The following KIAA0513 variants were observed in gnomAD, a reference collection of about 807,000 sequenced individuals.
The protein encoded by KIAA0513 is uncharacterized protein KIAA0513.
A neutral mutation model predicts 56.5 loss-of-function variants in KIAA0513; 39 were observed. That is an observed-to-expected ratio of 0.69 (90% CI 0.53 to 0.90). KIAA0513 has a LOEUF of 0.90. Ranked by LOEUF, KIAA0513 falls within the 40% of genes least tolerant of loss-of-function variation. KIAA0513 has a pLI of 0.00. For missense variants in KIAA0513, 591 were observed against 535.2 expected (o/e 1.10, Z -1.03); for synonymous variants, 268 against 215.6 (o/e 1.24, Z -2.13).
At chr16:85,044,928 C>G (rs1225201802) in intron 1 of KIAA0513, among the ~76,000 whole-genome samples, 2 of 151,938 alleles carry the variant, frequency 1.3e-5, no homozygotes, top group African/African-American at 2.4e-5. Context: ...ACCATCCTGG[C>G]TAACACAGTG....
chr16:85,045,554 C>T (rs1185563367), intron 1 of KIAA0513, among the ~76,000 whole-genome samples: 1 of 152,182 alleles, frequency 6.6e-6, no homozygotes, highest in Non-Finnish European at 1.5e-5. Flanking sequence ...TGGGGTTTCA[C>T]TATGTTGGCC....
At chr16:85,029,128 T>G (rs943595263) in intron 1 of KIAA0513, among the ~76,000 whole-genome samples, 2 of 152,232 alleles carry the variant, frequency 1.3e-5, no homozygotes, top group Admixed American at 1.3e-4. Context: ...TTATTTCCAC[T>G]TTGTTCAGAA....
chr16:85,077,808 C>G (rs574153231), intron 6 of KIAA0513, among the ~76,000 whole-genome samples, 176 bp downstream of exon 6: 1 of 152,158 alleles, frequency 6.6e-6, no homozygotes, highest in East Asian at 1.9e-4. Flanking sequence ...CCAAGCCCCC[C>G]CCACTGACAT....
chr16:85,067,019 C>A lies in KIAA0513; in HGVS notation c.-53C>A. On this transcript the variant is annotated 5_prime_UTR_variant, in exon 2 of 13. Coordinates refer to ENST00000683363, the MANE Select transcript of KIAA0513 (RefSeq NM_001388359.1). ...ACCTGGGACACCAGGCTGCTGGGCT[C>A]CCCTCTAGGCAGCCTCCCCTCCAGG... The A allele has an allele frequency of 6.8e-7, 1 of 1,461,504 alleles. No individual in the cohort carries two copies. The highest frequency in any genetic ancestry group is 2.3e-5 in the Admixed American group (1 of 43,886). The allele number at this position is 1,461,504 out of a possible 1,614,324, so 90.5% of individuals were successfully genotyped here.
chr16:85,068,250 G>A (rs973198255), intron 2 of KIAA0513, among the ~76,000 whole-genome samples: 1 of 151,498 alleles, frequency 6.6e-6, no homozygotes, highest in African/African-American at 2.4e-5. Flanking sequence ...TCCACCTCCT[G>A]AGTTCAAACA....
chr16:85,077,263 C>T (rs1416956250), intron 5 of KIAA0513, 162 bp from the exon 6 acceptor site: 1 of 203,470 alleles, frequency 4.9e-6, no homozygotes, highest in Non-Finnish European at 8.7e-6. Context: ...CTTCCTCATC[C>T]TGGGCCGGCT....
intron 1 of KIAA0513, 53 bp from the exon 2 acceptor site, chr16:85,066,847 C>T (rs1488102790): frequency 2.0e-5 from 9 of 452,962 alleles, no homozygotes; most frequent in Middle Eastern, 5.5e-4. Flanking sequence ...TGATCTAGGT[C>T]GGGATTCTGG....
chr16:85,081,678 C>A lies in KIAA0513; in HGVS notation c.980+286C>A, dbSNP rs1406777302. On this transcript the variant is annotated intron_variant, in intron 9 of 12. Coordinates refer to ENST00000683363, the MANE Select transcript of KIAA0513 (RefSeq NM_001388359.1). The surrounding 1 kb of genome is among the most constrained non-coding windows in gnomAD (Gnocchi z 4.4). The stretch of plus-strand genomic sequence containing the variant: ...ACTAAGACCATCAGGACCCCTGCTG[C>A]TGGGCCCACCCTGCTGTTTGCTGGA... Among the ~76,000 whole-genome samples the A allele has an allele frequency of 6.6e-6, 1 of 152,224 alleles. No homozygotes were observed. Among genetic ancestry groups the A allele is most frequent in the East Asian group, 1.9e-4 (1 of 5,194 alleles).
intron 7 of KIAA0513, 117 bp from the exon 8 acceptor site, chr16:85,078,808 T>G: frequency 9.0e-7 from 1 of 1,113,302 alleles, no homozygotes; most frequent in Non-Finnish European, 1.4e-6. Context: ...GGGGTTTGCA[T>G]CACGTGTTTC....
intron 1 of KIAA0513, among the ~76,000 whole-genome samples, chr16:85,038,357 A>G (rs2073062080): frequency 6.6e-6 from 1 of 152,224 alleles, no homozygotes; most frequent in African/African-American, 2.4e-5. Flanking sequence ...CACCACGTGT[A>G]TGATTTTAAA....
Position 85,067,193 on chromosome 16 carries a change from G to A in KIAA0513, c.122G>A (p.Gly41Asp), listed in dbSNP as rs1400301392. 1.9e-6 allele frequency: 3 copies of A among 1,614,188 alleles called. No homozygotes were observed. Among genetic ancestry groups the A allele is most frequent in the South Asian group, 2.2e-5 (2 of 91,090 alleles). Residue 41 changes from glycine to aspartate, a missense_variant, in exon 2 of 13, where the codon GGT becomes GAT. Transcript: ENST00000683363. ...LQDGDGSLGD[G>D]ASESETTESA... ...GACGGCGATGGCTCCCTGGGGGACGGTGCATCAGAGAGTGAGACCACTGAG... is the reference window on the plus strand; with the variant it reads ...GACGGCGATGGCTCCCTGGGGGACGATGCATCAGAGAGTGAGACCACTGAG...
rs149483077 is a variant in KIAA0513, at chr16:85,045,102, A to G, written c.-173+17244A>G. Among the ~76,000 whole-genome samples, 110 of 152,150 alleles carry G rather than the reference A, an allele frequency of 7.2e-4. 1 individual carries two copies. Among genetic ancestry groups the G allele is most frequent in the East Asian group, 5.3e-3 (27 of 5,098 alleles). ...CACTGCACTGCAGCCTGGGGGACAG[A>G]GCGAGACTCCGTCTCTAAATAAATA... On this transcript the variant is annotated intron_variant, in intron 1 of 12. Coordinates refer to ENST00000683363, the MANE Select transcript of KIAA0513 (RefSeq NM_001388359.1).
At chr16:85,055,884 G>A (rs987795061) in intron 1 of KIAA0513, among the ~76,000 whole-genome samples, 8 of 152,312 alleles carry the variant, frequency 5.3e-5, no homozygotes, top group Non-Finnish European at 8.8e-5. Flanking sequence ...CCCAACAAGC[G>A]TGGGCTCTCG....
intron 1 of KIAA0513, among the ~76,000 whole-genome samples, chr16:85,029,275 C>T (rs1268493623): frequency 6.6e-6 from 1 of 152,110 alleles, no homozygotes; most frequent in Non-Finnish European, 1.5e-5. Flanking sequence ...GCAGCGTTTG[C>T]GATCAGATCA....
Position 85,067,390 on chromosome 16 carries a change from T to G in KIAA0513, c.319T>G (p.Phe107Val). The change falls in exon 2 of 13, where the codon TTC (phenylalanine) becomes GTC (valine). Residue 107 changes from phenylalanine to valine, a missense_variant. By Grantham distance (50) the Phe-to-Val change is conservative. Coordinates refer to ENST00000683363, the MANE Select transcript of KIAA0513 (RefSeq NM_001388359.1). Reference sequence around the variant, plus strand: ...CATGCGTGGCTACGTGGAGAAGATCTTCTCTGGAGGGTAAGGGGCCTGTGT... The same window carrying G: ...CATGCGTGGCTACGTGGAGAAGATCGTCTCTGGAGGGTAAGGGGCCTGTGT... ...DFMRGYVEKI[F>V]SGGEDLDQEE... The G allele has an allele frequency of 6.2e-7, 1 of 1,600,622 alleles. No individual in the cohort carries two copies. The highest frequency in any genetic ancestry group is 8.5e-7 in the Non-Finnish European group (1 of 1,178,776).
chr16:85,066,976 G>T lies in KIAA0513; in HGVS notation c.-96G>T. On this transcript the variant is annotated 5_prime_UTR_variant, in exon 2 of 13. Transcript: ENST00000683363. ...CAGTTACTGGCAACTTGTGAGCTTG[G>T]TGGGCTCCTACTAACGCACCTGGGA... The T allele has an allele frequency of 3.7e-6, 4 of 1,088,048 alleles. No homozygotes were observed. The highest frequency in any genetic ancestry group is 5.2e-6 in the Non-Finnish European group (4 of 768,700). The allele number at this position is 1,088,048 out of a possible 1,614,324, so 67.4% of individuals were successfully genotyped here.
intron 1 of KIAA0513, among the ~76,000 whole-genome samples, chr16:85,052,586 G>A (rs2073269676): frequency 6.6e-6 from 1 of 152,192 alleles, no homozygotes; most frequent in African/African-American, 2.4e-5. Context: ...TAAGGTTTCA[G>A]GATAGCAATG....
chr16:85,049,526 C>G (rs28449531), intron 1 of KIAA0513, among the ~76,000 whole-genome samples: 1 of 151,808 alleles, frequency 6.6e-6, no homozygotes, highest in Non-Finnish European at 1.5e-5. Flanking sequence ...TAGTGCCATC[C>G]CCCTTGGCAC....
intron 12 of KIAA0513, among the ~76,000 whole-genome samples, chr16:85,087,948 C>G (rs2073828503): frequency 6.6e-6 from 1 of 152,254 alleles, no homozygotes; most frequent in African/African-American, 2.4e-5. Context: ...ACTGACTGCC[C>G]CTTGCCTTTC....
Sources: allele counts gnomAD v4.1 joint callset (sites outside exome capture counted in the v4.1 genomes callset), GRCh38; gene constraint gnomAD v4.1.1; non-coding constraint Gnocchi (gnomAD v3.1); transcripts MANE v1.5; gene names NCBI Gene and HGNC (gene_info 2026-07-23, HGNC 2026-07-21).